ZNF804B: variants seen among roughly 807,000 people sequenced by gnomAD.
The protein encoded by ZNF804B is zinc finger protein 804B.
In ZNF804B, 80 loss-of-function variants were observed where a neutral mutation model predicts 101.4. That is an observed-to-expected ratio of 0.79 (90% CI 0.66 to 0.95). The LOEUF is 0.95. Among genes scored for constraint, ZNF804B ranks in the 40% least tolerant of loss-of-function variants. The probability of loss-of-function intolerance (pLI) is 0.00; values close to 1 mark genes in which losing one functional copy is unlikely to be tolerated. For missense variants in ZNF804B, 1,673 were observed against 1,561.9 expected (o/e 1.07, Z -1.20); for synonymous variants, 622 against 558.8 (o/e 1.11, Z -1.59).
intron 2 of ZNF804B, among the ~76,000 whole-genome samples, chr7:89,250,601 A>T (rs567587286): frequency 6.6e-6 from 1 of 152,290 alleles, no homozygotes; most frequent in African/African-American, 2.4e-5. Flanking sequence ...CAAAACCAGC[A>T]TCCCCCGATA....
rs566452646 is a variant in ZNF804B, at chr7:89,193,647, A to G, written c.109-24508A>G. ...TTCCTACAAAGGACATGAACTCATC[A>G]TTTTTTATGGCTGCATAGTATTCCA... On this transcript the variant is annotated intron_variant, in intron 1 of 3. Transcript: ENST00000333190. Among the ~76,000 whole-genome samples, 12 of 151,980 alleles carry G rather than the reference A, an allele frequency of 7.9e-5. No homozygotes were observed. The East Asian group carries it at 2.3e-3, about 29-fold the overall frequency.
At chr7:89,149,007 G>T (rs1790831373) in intron 1 of ZNF804B, among the ~76,000 whole-genome samples, 2 of 152,088 alleles carry the variant, frequency 1.3e-5, no homozygotes, top group South Asian at 4.1e-4. Flanking sequence ...CTGCCCTGCA[G>T]ACTTAGGCTG....
intron 1 of ZNF804B, among the ~76,000 whole-genome samples, chr7:88,875,369 G>C (rs1381634529): frequency 6.6e-6 from 1 of 151,968 alleles, no homozygotes; most frequent in African/African-American, 2.4e-5. Context: ...ATGAATCCAG[G>C]AGCTGGTTTT....
At chr7:89,267,987 T>C (rs536124446) in intron 2 of ZNF804B, among the ~76,000 whole-genome samples, 2 of 152,086 alleles carry the variant, frequency 1.3e-5, no homozygotes, top group African/African-American at 4.8e-5. Flanking sequence ...TAATTATATC[T>C]TTTCTGGAAA....
At chr7:89,302,559 G>C (rs1245522757) in intron 2 of ZNF804B, among the ~76,000 whole-genome samples, 1 of 151,892 alleles carries the variant, frequency 6.6e-6, no homozygotes, top group Admixed American at 6.6e-5. Context: ...TGATCACAGA[G>C]AAGGAGAGAT....
intron 1 of ZNF804B, among the ~76,000 whole-genome samples, chr7:89,189,627 C>T (rs1402817951): frequency 6.6e-6 from 1 of 152,142 alleles, no homozygotes; most frequent in Admixed American, 6.6e-5. Context: ...CAGTGTCCAG[C>T]ATGTGGCATT....
chr7:89,037,452 C>T (rs1046399254), intron 1 of ZNF804B, among the ~76,000 whole-genome samples: 3 of 151,700 alleles, frequency 2.0e-5, no homozygotes, highest in African/African-American at 7.3e-5. Flanking sequence ...TGAGGGTGCA[C>T]ATTTAGATTA....
At chr7:89,256,303 C>T (rs1789631367) in intron 2 of ZNF804B, among the ~76,000 whole-genome samples, 1 of 152,134 alleles carries the variant, frequency 6.6e-6, no homozygotes, top group African/African-American at 2.4e-5. Context: ...CCTGTAATCC[C>T]AGCACTTTGG....
chr7:89,026,543 T>G (rs1334722916), intron 1 of ZNF804B, among the ~76,000 whole-genome samples: 1 of 152,108 alleles, frequency 6.6e-6, no homozygotes, highest in African/African-American at 2.4e-5. Context: ...TTCCAAAAAT[T>G]TGGTTATGAA....
intron 1 of ZNF804B, among the ~76,000 whole-genome samples, chr7:89,085,855 T>C (rs1173088745): frequency 1.3e-5 from 2 of 152,008 alleles, no homozygotes; most frequent in Non-Finnish European, 2.9e-5. Context: ...TCTGATAAGA[T>C]TTAATGGGTT....
chr7:89,036,613 A>G lies in ZNF804B; in HGVS notation c.109-181542A>G, dbSNP rs139505331. Among the ~76,000 whole-genome samples, 347 of 152,288 alleles carry G rather than the reference A, an allele frequency of 2.3e-3. 3 individuals carry two copies. The highest frequency in any genetic ancestry group is 8.0e-3 in the African/African-American group (333 of 41,588). On this transcript the variant is annotated intron_variant, in intron 1 of 3. Transcript: ENST00000333190. ...TATGTTTCTTTTATCAACTCTATAC[A>G]GAAACTGAGACCTTAGTCTTAATGT...
chr7:89,146,890 T>C (rs144955562), intron 1 of ZNF804B, among the ~76,000 whole-genome samples: 166 of 151,638 alleles, frequency 1.1e-3, no homozygotes, highest in Non-Finnish European at 1.5e-3. Flanking sequence ...TAGCTGGGCA[T>C]GGTTGTTTGC....
intron 2 of ZNF804B, among the ~76,000 whole-genome samples, chr7:89,319,500 C>G (rs987040130): frequency 6.6e-6 from 1 of 152,128 alleles, no homozygotes; most frequent in Non-Finnish European, 1.5e-5. Context: ...AGCTGTCTGC[C>G]GCTGGTAGAC....
chr7:88,808,511 A>G (rs879616952), intron 1 of ZNF804B, among the ~76,000 whole-genome samples: 3 of 152,138 alleles, frequency 2.0e-5, no homozygotes, highest in Admixed American at 1.3e-4. Flanking sequence ...AGTAGCAAGA[A>G]GGAAGTGAGA....
intron 3 of ZNF804B, among the ~76,000 whole-genome samples, chr7:89,327,683 A>G (rs113189137): frequency 0.021 from 3,195 of 152,120 alleles, 102 homozygotes; most frequent in African/African-American, 0.073. Context: ...GTACTCTATA[A>G]TGAAATGATC....
At chr7:89,072,292 G>C (rs1789554791) in intron 1 of ZNF804B, among the ~76,000 whole-genome samples, 1 of 152,146 alleles carries the variant, frequency 6.6e-6, no homozygotes, top group South Asian at 2.1e-4. Context: ...TGGTTAGAAT[G>C]GTTTGGCTCA....
chr7:89,310,642 G>C (rs1041979767), intron 2 of ZNF804B, among the ~76,000 whole-genome samples: 1 of 152,166 alleles, frequency 6.6e-6, no homozygotes, highest in Non-Finnish European at 1.5e-5. Flanking sequence ...TCAGCAGCAG[G>C]CATCGCTGAC....
chr7:88,977,601 A>C (rs1793633881), intron 1 of ZNF804B, among the ~76,000 whole-genome samples: 1 of 151,306 alleles, frequency 6.6e-6, no homozygotes, highest in Non-Finnish European at 1.5e-5. Flanking sequence ...TCTCTATTTT[A>C]TCTCTGATTT....
At chr7:89,061,340 A>G (rs1789376077) in intron 1 of ZNF804B, among the ~76,000 whole-genome samples, 1 of 151,996 alleles carries the variant, frequency 6.6e-6, no homozygotes, top group South Asian at 2.1e-4. Context: ...ATTTGGGATT[A>G]TGGTGTTTGG....
Sources: allele counts gnomAD v4.1 joint callset (sites outside exome capture counted in the v4.1 genomes callset), GRCh38; gene constraint gnomAD v4.1.1; transcripts MANE v1.5; gene names NCBI Gene and HGNC (gene_info 2026-07-23, HGNC 2026-07-21).